DYM: variants seen among roughly 807,000 people sequenced by gnomAD.
DYM encodes dymeclin.
In DYM, 78 loss-of-function variants were observed where a neutral mutation model predicts 93.1. The observed-to-expected ratio is 0.84, with a 90% CI of 0.70 to 1.01. The LOEUF (loss-of-function observed/expected upper bound fraction) is 1.01. Ranked by LOEUF, DYM falls within the 50% of genes least tolerant of loss-of-function variation. DYM has a pLI of 0.00. For synonymous variants in DYM, 321 were observed against 319.7 expected (o/e 1.00, Z -0.04); for missense variants, 789 against 845.0 (o/e 0.93, Z 0.82).
intron 16 of DYM, among the ~76,000 whole-genome samples, chr18:49,112,503 C>T (rs1484818973): frequency 6.6e-6 from 1 of 152,142 alleles, no homozygotes; most frequent in East Asian, 1.9e-4. Flanking sequence ...ATGACCCCTC[C>T]TTGGGATCTA....
intron 14 of DYM, among the ~76,000 whole-genome samples, chr18:49,191,377 T>C (rs2090957354): frequency 6.6e-6 from 1 of 152,122 alleles, no homozygotes; most frequent in Non-Finnish European, 1.5e-5. Context: ...TGCCTATAAA[T>C]GCTTACTTTG....
At chr18:49,441,127 T>A (rs1485394552) in intron 1 of DYM, among the ~76,000 whole-genome samples, 2 of 4,468 alleles carry the variant, frequency 4.5e-4, no homozygotes, top group African/African-American at 8.4e-4. Context: ...ATATTATATA[T>A]TTATATAAAT....
At chr18:49,369,253 T>A (rs1441956046) in intron 5 of DYM, among the ~76,000 whole-genome samples, 2 of 152,186 alleles carry the variant, frequency 1.3e-5, no homozygotes, top group African/African-American at 4.8e-5. Flanking sequence ...TGAGCCCTCG[T>A]CTCAGTAGGC....
chr18:49,351,320 A>T lies in DYM; in HGVS notation c.494+11841T>A, dbSNP rs186432558. The stretch of plus-strand genomic sequence containing the variant: ...CGGGAGGTGGAGGTTGCAATGAGTC[A>T]AGATTGTGCCACTGCACTCCAGTCT... On this transcript the variant is annotated intron_variant, in intron 6 of 17. Coordinates refer to ENST00000675505, the MANE Select transcript of DYM (RefSeq NM_001353214.3). Among the ~76,000 whole-genome samples the T allele has an allele frequency of 1.8e-4, 27 of 152,224 alleles. No homozygotes were observed. The East Asian group carries it at 5.2e-3, about 29-fold the overall frequency.
intron 1 of DYM, among the ~76,000 whole-genome samples, chr18:49,443,965 T>C (rs1321274185): frequency 6.6e-6 from 1 of 152,198 alleles, no homozygotes; most frequent in African/African-American, 2.4e-5. Context: ...CAGCTATGAA[T>C]ATTTTCCAAA....
At chr18:49,120,782 G>T (rs2082311846) in intron 15 of DYM, among the ~76,000 whole-genome samples, 1 of 152,080 alleles carries the variant, frequency 6.6e-6, no homozygotes, top group South Asian at 2.1e-4. Context: ...GAGATGAAAA[G>T]GTATGCCTAT....
intron 8 of DYM, among the ~76,000 whole-genome samples, chr18:49,292,592 G>GAAAAAAAAA (rs72415237): frequency 1.0e-4 from 8 of 78,780 alleles, no homozygotes; most frequent in South Asian, 4.8e-4. Context: ...TTTCCTGTTG[G>GAAAAAAAAA]AAAAAAAAAA....
chr18:49,288,295 A>G (rs144869157), intron 8 of DYM, among the ~76,000 whole-genome samples: 1 of 152,324 alleles, frequency 6.6e-6, no homozygotes, highest in African/African-American at 2.4e-5. Flanking sequence ...CTTTACATAC[A>G]ATCAATAAAT....
intron 5 of DYM, among the ~76,000 whole-genome samples, chr18:49,371,006 T>C (rs1258169865): frequency 6.6e-6 from 1 of 152,148 alleles, no homozygotes; most frequent in East Asian, 1.9e-4. Context: ...AACGCTAAGA[T>C]AGGTAACCCT....
intron 13 of DYM, among the ~76,000 whole-genome samples, chr18:49,228,788 G>C (rs1372264406): frequency 6.6e-6 from 1 of 152,124 alleles, no homozygotes; most frequent in African/African-American, 2.4e-5. Flanking sequence ...GATCATGATG[G>C]GGGTTGGGAG....
intron 16 of DYM, among the ~76,000 whole-genome samples, chr18:49,106,597 C>T (rs1389045229): frequency 6.6e-6 from 1 of 152,142 alleles, no homozygotes; most frequent in Non-Finnish European, 1.5e-5. Flanking sequence ...TTAGGGCAGG[C>T]CTGGTGGTGA....
At chr18:49,400,785 T>A (rs1011503885) in intron 2 of DYM, among the ~76,000 whole-genome samples, 19 of 152,202 alleles carry the variant, frequency 1.2e-4, no homozygotes, top group African/African-American at 4.3e-4. Flanking sequence ...TTAAGAATAA[T>A]CTGCTTTCCT....
chr18:49,202,374 C>T (rs1327114295), intron 14 of DYM, among the ~76,000 whole-genome samples: 5 of 151,578 alleles, frequency 3.3e-5, no homozygotes, highest in Non-Finnish European at 7.4e-5. Flanking sequence ...CTGCCTTGGC[C>T]TCCCAAAGTG....
intron 14 of DYM, among the ~76,000 whole-genome samples, chr18:49,208,950 CTCTT>C (rs2092654796): frequency 6.6e-6 from 1 of 152,182 alleles, no homozygotes; most frequent in Non-Finnish European, 1.5e-5. Context: ...GACAGCTTGT[CTCTT>C]TCTTACTCCA....
chr18:49,209,990 G>A (rs1349997357), intron 13 of DYM, among the ~76,000 whole-genome samples: 3 of 152,168 alleles, frequency 2.0e-5, no homozygotes, highest in Non-Finnish European at 2.9e-5. Context: ...CTAGGAAAAT[G>A]CAAATTCAAA....
intron 8 of DYM, among the ~76,000 whole-genome samples, chr18:49,328,028 A>T (rs1411771013): frequency 6.6e-6 from 1 of 152,250 alleles, no homozygotes; most frequent in Non-Finnish European, 1.5e-5. Context: ...AGCCAACATC[A>T]TCTATTTCCT....
chr18:49,092,175 G>T (rs182447278), intron 17 of DYM, among the ~76,000 whole-genome samples: 1 of 152,154 alleles, frequency 6.6e-6, no homozygotes, highest in Non-Finnish European at 1.5e-5. Context: ...TTACTTTACT[G>T]TACCATTAAA....
At chr18:49,349,456 A>G (rs187933232) in intron 6 of DYM, among the ~76,000 whole-genome samples, 1 of 152,326 alleles carries the variant, frequency 6.6e-6, no homozygotes, top group African/African-American at 2.4e-5. Context: ...CAAAATTGTA[A>G]CAAGTATAGA....
intron 17 of DYM, 89 bp downstream of exon 17, chr18:49,097,313 G>C: frequency 1.7e-6 from 2 of 1,170,380 alleles, no homozygotes; most frequent in Non-Finnish European, 2.5e-6. Flanking sequence ...TGGATAAGCA[G>C]CATGATTCTG....
Sources: gnomAD v4.1 joint callset for allele counts (sites outside exome capture counted in the v4.1 genomes callset) on GRCh38, gnomAD v4.1.1 for gene constraint, MANE v1.5 for transcripts, NCBI Gene and HGNC (gene_info 2026-07-23, HGNC 2026-07-21) for gene names.